NELL1: variants seen among roughly 807,000 people sequenced by gnomAD.
NELL1 encodes protein kinase C-binding protein NELL1.
Under a neutral mutation model 107.4 loss-of-function variants are expected in NELL1, and 76 were observed. The observed-to-expected ratio is 0.71, with a 90% CI of 0.59 to 0.86. NELL1 has a LOEUF of 0.86. Ranked by LOEUF, NELL1 falls within the 40% of genes least tolerant of loss-of-function variation. The probability of loss-of-function intolerance (pLI) is 0.00; values close to 1 mark genes in which losing one functional copy is unlikely to be tolerated. For missense variants in NELL1, 1,024 were observed against 1,005.5 expected, an observed-to-expected ratio of 1.02 and a Z score of -0.25; for synonymous variants, 353 against 341.2, an observed-to-expected ratio of 1.03 and a Z score of -0.38.
intron 15 of NELL1, among the ~76,000 whole-genome samples, chr11:21,394,672 A>G (rs1173211262): frequency 6.6e-6 from 1 of 151,536 alleles, no homozygotes; most frequent in African/African-American, 2.4e-5. Flanking sequence ...GAAGGGAGAC[A>G]CATTAGCTAA....
intron 12 of NELL1, among the ~76,000 whole-genome samples, chr11:20,989,183 T>C (rs1339926745): frequency 1.3e-5 from 2 of 152,208 alleles, no homozygotes; most frequent in African/African-American, 4.8e-5. Flanking sequence ...TTCCTCAGTT[T>C]CTGAAGAGGA....
In NELL1 at chr11:21,512,689, G is replaced by A. The variant is rs142663736; in HGVS notation, c.1646-21685G>A. ...CACAAATAGTCTACAAGGCAAGATC[G>A]ATTATCTTTATTTCAAAGACAAGGG... On this transcript the variant is annotated intron_variant, in intron 15 of 19. Coordinates refer to ENST00000357134, the MANE Select transcript of NELL1 (RefSeq NM_006157.5). Among the ~76,000 whole-genome samples the A allele has an allele frequency of 6.5e-4, 98 of 151,830 alleles. 1 individual carries two copies. The highest frequency in any genetic ancestry group is 2.3e-3 in the African/African-American group (95 of 41,440).
chr11:21,301,149 G>A (rs554962321), intron 14 of NELL1, among the ~76,000 whole-genome samples: 1 of 152,272 alleles, frequency 6.6e-6, no homozygotes, highest in East Asian at 1.9e-4. Flanking sequence ...TGTCATTGAT[G>A]GACATTTGAG....
intron 4 of NELL1, among the ~76,000 whole-genome samples, chr11:20,865,001 A>G (rs947632647): frequency 6.6e-5 from 10 of 152,072 alleles, no homozygotes; most frequent in Non-Finnish European, 5.9e-5. Flanking sequence ...CTTGACCTTG[A>G]CTTTTTGATA....
At chr11:21,471,942 G>A (rs890294426) in intron 15 of NELL1, among the ~76,000 whole-genome samples, 1 of 151,954 alleles carries the variant, frequency 6.6e-6, no homozygotes, top group Non-Finnish European at 1.5e-5. Context: ...ATTACATATT[G>A]ACTCTGATCA....
At chr11:21,413,191 C>G (rs1372852302) in intron 15 of NELL1, among the ~76,000 whole-genome samples, 1 of 152,040 alleles carries the variant, frequency 6.6e-6, no homozygotes, top group African/African-American at 2.4e-5. Context: ...CACGATGTGA[C>G]AGATGTTCAG....
chr11:21,544,968 T>C (rs1856400208), intron 16 of NELL1, among the ~76,000 whole-genome samples: 1 of 151,906 alleles, frequency 6.6e-6, no homozygotes, highest in African/African-American at 2.4e-5. Context: ...CTATCTTAAC[T>C]TTGGTGTAAG....
intron 15 of NELL1, among the ~76,000 whole-genome samples, chr11:21,526,744 T>C (rs1855864660): frequency 6.6e-6 from 1 of 152,182 alleles, no homozygotes; most frequent in Admixed American, 6.5e-5. Context: ...GCCTGAGCTA[T>C]ACACTGGCCC....
intron 13 of NELL1, among the ~76,000 whole-genome samples, chr11:21,183,277 T>C (rs1216895751): frequency 6.6e-6 from 1 of 151,972 alleles, no homozygotes. Context: ...TAAGCCTTTT[T>C]CAAGGGCCAG....
chr11:21,480,380 A>T (rs375373928), intron 15 of NELL1, among the ~76,000 whole-genome samples: 9 of 152,324 alleles, frequency 5.9e-5, no homozygotes, highest in African/African-American at 2.2e-4. Flanking sequence ...AAGTTACAGC[A>T]GCAGGACCTG....
intron 3 of NELL1, among the ~76,000 whole-genome samples, chr11:20,847,348 C>A (rs1848717786): frequency 6.6e-6 from 1 of 152,110 alleles, no homozygotes; most frequent in African/African-American, 2.4e-5. Flanking sequence ...TGGCTTGTTA[C>A]CTCATGGTGG....
chr11:20,738,016 A>T (rs1328833096), intron 2 of NELL1, among the ~76,000 whole-genome samples: 1 of 150,972 alleles, frequency 6.6e-6, no homozygotes, highest in Non-Finnish European at 1.5e-5. Flanking sequence ...TATCCCAGTT[A>T]TTGGTATAGT....
At chr11:20,753,030 A>G (rs1856178111) in intron 2 of NELL1, among the ~76,000 whole-genome samples, 1 of 152,226 alleles carries the variant, frequency 6.6e-6, no homozygotes, top group African/African-American at 2.4e-5. Context: ...TGGTCTTAAT[A>G]CAGTACAGTA....
intron 13 of NELL1, among the ~76,000 whole-genome samples, chr11:21,202,136 C>T (rs1857283911): frequency 1.3e-5 from 2 of 152,134 alleles, no homozygotes; most frequent in Admixed American, 1.3e-4. Flanking sequence ...GGACATTGGC[C>T]TCATAAAATG....
intron 2 of NELL1, among the ~76,000 whole-genome samples, chr11:20,698,694 T>G (rs981141541): frequency 6.6e-6 from 1 of 152,156 alleles, no homozygotes; most frequent in Non-Finnish European, 1.5e-5. Flanking sequence ...TTTGGTTACA[T>G]GGATAAGTTA....
At chr11:21,093,822 A>G (rs376443641) in intron 12 of NELL1, among the ~76,000 whole-genome samples, 1 of 152,142 alleles carries the variant, frequency 6.6e-6, no homozygotes, top group Non-Finnish European at 1.5e-5. Context: ...CCATGATTCA[A>G]TTACCTCCCA....
intron 17 of NELL1, among the ~76,000 whole-genome samples, chr11:21,561,463 C>A (rs1275725571): frequency 6.6e-6 from 1 of 152,042 alleles, no homozygotes; most frequent in Non-Finnish European, 1.5e-5. Flanking sequence ...ATTTCAGCCA[C>A]CCTATAATTC....
chr11:21,554,880 A>G (rs746623999), intron 16 of NELL1, among the ~76,000 whole-genome samples: 7 of 151,898 alleles, frequency 4.6e-5, no homozygotes, highest in Non-Finnish European at 8.8e-5. Context: ...AAAGTCAGCT[A>G]TCTCAGGAAC....
At chr11:21,026,077 G>A (rs1852807572) in intron 12 of NELL1, among the ~76,000 whole-genome samples, 1 of 152,074 alleles carries the variant, frequency 6.6e-6, no homozygotes, top group African/African-American at 2.4e-5. Flanking sequence ...TTTCACCTCT[G>A]TTATTGCATT....
Sources: gnomAD v4.1 joint callset for allele counts (sites outside exome capture counted in the v4.1 genomes callset) on GRCh38, gnomAD v4.1.1 for gene constraint, MANE v1.5 for transcripts, NCBI Gene and HGNC (gene_info 2026-07-23, HGNC 2026-07-21) for gene names.